Variants in UGT2B7 observed in about 807,000 individuals in gnomAD.
UGT2B7 encodes the protein UDP-glucuronosyltransferase 2B7.
In UGT2B7, 51 loss-of-function variants were observed where a neutral mutation model predicts 51.9. The observed-to-expected ratio is 0.98, with a 90% CI of 0.78 to 1.24. The LOEUF is 1.24. Ranked by LOEUF, UGT2B7 falls within the 50% of genes most tolerant of loss-of-function variation. The pLI, the probability that UGT2B7 is intolerant of heterozygous loss-of-function variation, is 0.00. For synonymous variants in UGT2B7, 225 were observed against 211.6 expected, an observed-to-expected ratio of 1.06 and a Z score of -0.55; for missense variants, 727 against 628.4, an observed-to-expected ratio of 1.16 and a Z score of -1.68.
intron 1 of UGT2B7, among the ~76,000 whole-genome samples, chr4:69,059,995 A>T (rs1202324136): frequency 6.6e-6 from 1 of 152,240 alleles, no homozygotes; most frequent in East Asian, 1.9e-4. Flanking sequence ...GGTAAATCAC[A>T]GTACACTTGG....
At chr4:69,075,542 A>G (rs1428220471) in intron 1 of UGT2B7, among the ~76,000 whole-genome samples, 1 of 152,146 alleles carries the variant, frequency 6.6e-6, no homozygotes, top group Non-Finnish European at 1.5e-5. Flanking sequence ...TCTCACAGGA[A>G]TTTGAGTCTT....
chr4:69,061,042 A>AGC (rs1718334161), intron 1 of UGT2B7, among the ~76,000 whole-genome samples: 1 of 152,154 alleles, frequency 6.6e-6, no homozygotes, highest in African/African-American at 2.4e-5. Flanking sequence ...GAGCAGCTTC[A>AGC]TACTAGAGGG....
At chr4:69,063,842 A>G (rs185358386) in intron 1 of UGT2B7, among the ~76,000 whole-genome samples, 154 of 152,080 alleles carry the variant, frequency 1.0e-3, no homozygotes, top group Admixed American at 2.8e-3. Context: ...CATCAGAAAC[A>G]TCCAATCAAT....
rs188303750 is a variant in UGT2B7, at chr4:69,082,994, G to C, written c.-158-6478G>C. Among the ~76,000 whole-genome samples the C allele has an allele frequency of 1.7e-3, 262 of 152,194 alleles. 1 individual carries two copies. The highest frequency in any genetic ancestry group is 3.4e-3 in the Non-Finnish European group (229 of 67,962). ...TTATTTTGAAAGTTCTAGAGTCCTT[G>C]AGAATTATGAGTTGAGAGCCCTTGA... is the stretch of plus-strand genomic sequence containing the variant. On this transcript the variant is annotated intron_variant, in intron 1 of 5. Coordinates refer to the UGT2B7 transcript ENST00000502942.
In UGT2B7 at chr4:69,112,094, T is replaced by C. The variant is rs1350672884; in HGVS notation, c.1311-363T>C. 5.3e-5 allele frequency among the ~76,000 whole-genome samples: 8 copies of C among 152,284 alleles called. No individual in the cohort carries two copies. In the East Asian group the frequency reaches 1.5e-3, roughly 29 times the overall value. ...ACAGCCCAGTGCCACACCCTGTGCCTGATAGTTAAAGATCGACCCCTGACC... is the reference window on the plus strand; with the variant it reads ...ACAGCCCAGTGCCACACCCTGTGCCCGATAGTTAAAGATCGACCCCTGACC... On this transcript the variant is annotated intron_variant, in intron 5 of 5. Transcript: ENST00000305231.
At chr4:69,056,802 C>CA (rs1718213947) in intron 1 of UGT2B7, among the ~76,000 whole-genome samples, 1 of 151,816 alleles carries the variant, frequency 6.6e-6, no homozygotes, top group African/African-American at 2.4e-5. Context: ...ACATAAGTAA[C>CA]AAAAATAAGA....
chr4:69,071,166 G>A (rs1417585394), intron 1 of UGT2B7, among the ~76,000 whole-genome samples: 1 of 151,998 alleles, frequency 6.6e-6, no homozygotes, highest in Non-Finnish European at 1.5e-5. Context: ...ATATGGTCCA[G>A]CAAGTTTAGT....
rs754723956 is a variant in UGT2B7, at chr4:69,064,112, A to AAGAAAGAAAGAAAG, written c.-159+12511_-159+12512insGAAAGAAAGAAAGA. 2.5e-3 allele frequency among the ~76,000 whole-genome samples: 220 copies of AAGAAAGAAAGAAAG among 86,658 alleles called. 7 individuals carry two copies. The highest frequency in any genetic ancestry group is 5.7e-3 in the Middle Eastern group (1 of 174). 56.9% of individuals were successfully genotyped at this position (86,658 alleles called of 152,430 possible). A position where few individuals can be genotyped will look rare whatever the true frequency, so the allele number is the denominator to read the frequency against. On this transcript the variant is annotated intron_variant, in intron 1 of 5. Coordinates refer to the UGT2B7 transcript ENST00000502942. The stretch of plus-strand genomic sequence containing the variant: ...AGAAAGAAAGAGAAAGAAAGAAAGA[A>AAGAAAGAAAGAAAG]AAAGAAAGAAAGAAAGAAAGAAAGA...
At chr4:69,112,392 G>A (rs1370017788) in intron 5 of UGT2B7, 65 bp from the exon 6 acceptor site, 7 of 1,549,270 alleles carry the variant, frequency 4.5e-6, no homozygotes, top group East Asian at 2.2e-5. Flanking sequence ...TCTTTAACTC[G>A]GTGTCTGAGG....
chr4:69,106,901 T>C (rs770624440), intron 3 of UGT2B7, among the ~76,000 whole-genome samples: 1 of 152,078 alleles, frequency 6.6e-6, no homozygotes, highest in South Asian at 2.1e-4. Flanking sequence ...GTAGGTTTTC[T>C]TTTAAAAGGT....
upstream of UGT2B7, chr4:69,096,395 A>C (rs1389736054): frequency 7.0e-7 from 1 of 1,436,936 alleles, no homozygotes; most frequent in African/African-American, 1.4e-5. Context: ...TGATTTAATG[A>C]TATTGTATGT....
At chr4:69,105,582 T>A (rs1026281590) in intron 3 of UGT2B7, among the ~76,000 whole-genome samples, 1 of 152,202 alleles carries the variant, frequency 6.6e-6, no homozygotes, top group African/African-American at 2.4e-5. Context: ...TTAACCAAAT[T>A]CAGCAAGATA....
chr4:69,096,766 T>C lies in UGT2B7; in HGVS notation c.246T>C (p.Thr82=). The change falls in exon 1 of 6, where the codon ACT becomes ACC. Residue 82 remains threonine, a synonymous_variant. Coordinates refer to ENST00000305231, the MANE Select transcript of UGT2B7 (RefSeq NM_001074.4). ...LKIEIYPTSL[T]KTELENFIMQ... Reference sequence around the variant, plus strand: ...TTGAAATTTATCCCACATCTTTAACTAAAACTGAGTTGGAGAATTTCATCA... The same window carrying C: ...TTGAAATTTATCCCACATCTTTAACCAAAACTGAGTTGGAGAATTTCATCA... 1.2e-6 allele frequency: 2 copies of C among 1,614,028 alleles called. No individual in the cohort carries two copies. Among genetic ancestry groups the C allele is most frequent in the Non-Finnish European group, 1.7e-6 (2 of 1,179,934 alleles).
At chr4:69,071,089 A>G (rs1472159464) in intron 1 of UGT2B7, among the ~76,000 whole-genome samples, 1 of 152,120 alleles carries the variant, frequency 6.6e-6, no homozygotes, top group Non-Finnish European at 1.5e-5. Flanking sequence ...AGTAATGACC[A>G]TTTGTAATTG....
At chr4:69,059,804 A>G (rs550746106) in intron 1 of UGT2B7, among the ~76,000 whole-genome samples, 76 of 152,340 alleles carry the variant, frequency 5.0e-4, no homozygotes, top group Middle Eastern at 3.4e-3. Context: ...ATAGACCAGT[A>G]CAGAATTTGT....
At chr4:69,109,422 G>A (rs1404944294) in intron 5 of UGT2B7, among the ~76,000 whole-genome samples, 1 of 152,002 alleles carries the variant, frequency 6.6e-6, no homozygotes, top group Admixed American at 6.6e-5. Flanking sequence ...TTTTGTTACA[G>A]CCTTCTTAGT....
At chr4:69,108,558 G>A (rs556779795) in intron 5 of UGT2B7, among the ~76,000 whole-genome samples, 5 of 151,624 alleles carry the variant, frequency 3.3e-5, no homozygotes, top group African/African-American at 1.2e-4. Flanking sequence ...AATTTTAAAA[G>A]GATATAGATA....
chr4:69,064,098 GAA>G (rs1491505830), intron 1 of UGT2B7, among the ~76,000 whole-genome samples: 58 of 90,080 alleles, frequency 6.4e-4, no homozygotes, highest in South Asian at 3.0e-3. Context: ...GAAAGAAAGA[GAA>G]AGAAAGAAAG....
chr4:69,069,529 T>A (rs1718555398), intron 1 of UGT2B7: 1 of 152,116 alleles, frequency 6.6e-6, no homozygotes, highest in Non-Finnish European at 1.5e-5. Context: ...AAATATTTTA[T>A]TTTTCATCCA....
Sources: allele counts gnomAD v4.1 joint callset (sites outside exome capture counted in the v4.1 genomes callset), GRCh38; gene constraint gnomAD v4.1.1; transcripts MANE v1.5; gene names NCBI Gene and HGNC (gene_info 2026-07-23, HGNC 2026-07-21).